ULK4: variants seen among roughly 807,000 people sequenced by gnomAD.
ULK4 encodes the protein inactive serine/threonine-protein kinase ULK4.
Under a neutral mutation model 160.6 loss-of-function variants are expected in ULK4, and 133 were observed. That is an observed-to-expected ratio of 0.83 (90% CI 0.72 to 0.96). The LOEUF is 0.96. Ranked by LOEUF, ULK4 falls within the 40% of genes least tolerant of loss-of-function variation. ULK4 has a pLI of 0.00. For synonymous variants in ULK4, 534 were observed against 539.8 expected (o/e 0.99, Z 0.15); for missense variants, 1,580 against 1,499.5 (o/e 1.05, Z -0.89).
chr3:41,518,982 TG>T (rs1168535934), intron 32 of ULK4, among the ~76,000 whole-genome samples: 2 of 152,208 alleles, frequency 1.3e-5, no homozygotes, highest in African/African-American at 4.8e-5. Flanking sequence ...CATTGGCAAA[TG>T]TAAGAAAGAA....
At chr3:41,565,860 A>C (rs1249712155) in intron 32 of ULK4, among the ~76,000 whole-genome samples, 165 bp downstream of exon 32, 1 of 152,190 alleles carries the variant, frequency 6.6e-6, no homozygotes, top group Admixed American at 6.5e-5. Flanking sequence ...GAATTAACTT[A>C]GAGAAACCAT....
At chr3:41,384,509 G>A (rs2081753605) in intron 35 of ULK4, among the ~76,000 whole-genome samples, 2 of 152,110 alleles carry the variant, frequency 1.3e-5, no homozygotes, top group Non-Finnish European at 2.9e-5. Flanking sequence ...GGGCAATATA[G>A]GGAAATCCTG....
intron 5 of ULK4, among the ~76,000 whole-genome samples, chr3:41,930,261 T>C (rs904027245): frequency 8.6e-6 from 1 of 115,632 alleles, no homozygotes; most frequent in African/African-American, 2.9e-5. Flanking sequence ...GAAATCCTAT[T>C]GTGTTGGGAA....
intron 32 of ULK4, among the ~76,000 whole-genome samples, chr3:41,564,738 C>A (rs745472328): frequency 6.6e-6 from 1 of 151,974 alleles, no homozygotes; most frequent in African/African-American, 2.4e-5. Flanking sequence ...GGATTACAAG[C>A]GTGAGCCACT....
At chr3:41,937,370 A>G in intron 3 of ULK4, 1 of 685,122 alleles carries the variant, frequency 1.5e-6, no homozygotes. Flanking sequence ...AAATCAAATA[A>G]GTTATTAATC....
At chr3:41,659,316 C>T (rs1473514437) in intron 30 of ULK4, among the ~76,000 whole-genome samples, 2 of 152,128 alleles carry the variant, frequency 1.3e-5, no homozygotes, top group African/African-American at 4.8e-5. Context: ...GGAACCCAGA[C>T]TTTGTTAAAA....
chr3:41,808,255 G>A (rs1369585211), intron 19 of ULK4, among the ~76,000 whole-genome samples: 1 of 152,110 alleles, frequency 6.6e-6, no homozygotes, highest in African/African-American at 2.4e-5. Flanking sequence ...CTGTAGGGGG[G>A]AAATGAGCTA....
At chr3:41,302,726 A>G (rs1361809534) in intron 35 of ULK4, among the ~76,000 whole-genome samples, 2 of 152,240 alleles carry the variant, frequency 1.3e-5, no homozygotes, top group African/African-American at 4.8e-5. Flanking sequence ...TTTAAAATAG[A>G]GTACTAATAA....
chr3:41,754,434 C>A lies in ULK4; in HGVS notation c.2248G>T (p.Ala750Ser). 2 of 1,613,700 alleles carry A rather than the reference C, an allele frequency of 1.2e-6. No individual in the cohort carries two copies. The highest frequency in any genetic ancestry group is 1.7e-6 in the Non-Finnish European group (2 of 1,179,850). The stretch of plus-strand genomic sequence containing the variant: ...TATAGAAGAACCAGGAAGGCTTTTG[C>A]TCTAATGCATGTTGAGGGGCTGTCA... ...LLDSPSTCIR[A>S]KAFLVLLYIL... Residue 750 changes from alanine to serine, a missense_variant, in exon 22 of 37, where the codon GCA (alanine) becomes TCA (serine). Physicochemically the swap from Ala to Ser is moderately conservative, Grantham distance 99. Transcript: ENST00000301831.
chr3:41,746,470 A>G (rs2038428284), intron 22 of ULK4, among the ~76,000 whole-genome samples: 1 of 151,304 alleles, frequency 6.6e-6, no homozygotes, highest in African/African-American at 2.4e-5. Flanking sequence ...CTGAAATTAT[A>G]GAATGCTAAT....
intron 1 of ULK4, among the ~76,000 whole-genome samples, chr3:41,957,280 C>A (rs569096641): frequency 1.2e-4 from 18 of 149,262 alleles, no homozygotes; most frequent in East Asian, 1.2e-3. Flanking sequence ...ATGGCAAAAT[C>A]CTATCTCTAC....
chr3:41,515,313 TATAG>T (rs2085713797), intron 32 of ULK4, among the ~76,000 whole-genome samples: 1 of 151,806 alleles, frequency 6.6e-6, no homozygotes, highest in Non-Finnish European at 1.5e-5. Context: ...TATAAACAGA[TATAG>T]ATAGATATGC....
chr3:41,464,069 C>G (rs2083763284), intron 32 of ULK4, among the ~76,000 whole-genome samples: 1 of 151,240 alleles, frequency 6.6e-6, no homozygotes, highest in African/African-American at 2.4e-5. Flanking sequence ...GGGGGAAAAG[C>G]ACGGCAAGGA....
chr3:41,263,064 G>A (rs1307688392), intron 35 of ULK4, among the ~76,000 whole-genome samples: 2 of 152,144 alleles, frequency 1.3e-5, no homozygotes, highest in East Asian at 3.9e-4. Flanking sequence ...ACTTAGAAAA[G>A]CACGAGAGCA....
At chr3:41,604,566 A>T (rs767559678) in intron 31 of ULK4, among the ~76,000 whole-genome samples, 1 of 152,154 alleles carries the variant, frequency 6.6e-6, no homozygotes, top group Non-Finnish European at 1.5e-5. Context: ...TGGGCCCTAC[A>T]TATTCATAAT....
chr3:41,292,419 T>C (rs2079585994), intron 35 of ULK4, among the ~76,000 whole-genome samples: 1 of 151,964 alleles, frequency 6.6e-6, no homozygotes. Context: ...CTACTGAGGG[T>C]GGATCAACTG....
chr3:41,405,890 A>G (rs2125822471), intron 34 of ULK4, among the ~76,000 whole-genome samples: 1 of 151,964 alleles, frequency 6.6e-6, no homozygotes, highest in East Asian at 1.9e-4. Flanking sequence ...TTAGACCTTC[A>G]TCAGATACAA....
chr3:41,514,535 G>A (rs990697671), intron 32 of ULK4, among the ~76,000 whole-genome samples: 2 of 152,142 alleles, frequency 1.3e-5, no homozygotes, highest in African/African-American at 4.8e-5. Flanking sequence ...ATCGACCTGG[G>A]TGTCCATTAG....
chr3:41,320,568 CCTT>C (rs2125729791), intron 35 of ULK4, among the ~76,000 whole-genome samples: 1 of 151,982 alleles, frequency 6.6e-6, no homozygotes, highest in South Asian at 2.1e-4. Flanking sequence ...GGACAAGAAT[CCTT>C]CTCAATTTTG....
Sources: allele counts gnomAD v4.1 joint callset (sites outside exome capture counted in the v4.1 genomes callset), GRCh38; gene constraint gnomAD v4.1.1; transcripts MANE v1.5; gene names NCBI Gene and HGNC (gene_info 2026-07-23, HGNC 2026-07-21).